POFUT2: variants seen among roughly 807,000 people sequenced by gnomAD.
POFUT2 encodes protein O-fucosyltransferase 2.
Under a neutral mutation model 55.0 loss-of-function variants are expected in POFUT2, and 30 were observed. That is an observed-to-expected ratio of 0.55 (90% CI 0.41 to 0.74). POFUT2 has a LOEUF of 0.74. Ranked by LOEUF, POFUT2 falls within the 30% of genes least tolerant of loss-of-function variation. The pLI, the probability that POFUT2 is intolerant of heterozygous loss-of-function variation, is 0.00. For synonymous variants in POFUT2, 267 were observed against 231.1 expected, an observed-to-expected ratio of 1.16 and a Z score of -1.41; for missense variants, 524 against 562.6, an observed-to-expected ratio of 0.93 and a Z score of 0.69.
At position 45,269,903 on chromosome 21, in the gene POFUT2, G is replaced by T; in HGVS notation, c.948C>A (p.Ile316=). 1 of 1,611,042 alleles carries T rather than the reference G, an allele frequency of 6.2e-7. No individual in the cohort carries two copies. The highest frequency in any genetic ancestry group is 8.5e-7 in the Non-Finnish European group (1 of 1,179,098). Residue 316 remains isoleucine (I), a synonymous_variant, in exon 7 of 9, where the codon ATC becomes ATA. Coordinates refer to ENST00000349485, the MANE Select transcript of POFUT2 (RefSeq NM_133635.6). ...GCCGGTGGGTCTTCATGAGGCTGCG[G>T]ATCTTCCTCACGGCCCCTTCCAGAC... The part of the protein sequence containing the change: ...VPSLEGAVRK[I]RSLMKTHRLD...
At chr21:45,286,279 A>G (rs1332066496) in intron 1 of POFUT2, among the ~76,000 whole-genome samples, 1 of 152,226 alleles carries the variant, frequency 6.6e-6, no homozygotes, top group East Asian at 1.9e-4. Flanking sequence ...TATGTGCACT[A>G]TGTCTATTGA....
chr21:45,268,509 C>G lies in POFUT2; in HGVS notation c.1013-796G>C, dbSNP rs563249477. On this transcript the variant is annotated intron_variant, in intron 7 of 8. Transcript: ENST00000349485. ...GTCTGGAAAGTGAGGAGCATCTCCG[C>G]CCGGCCGCCATCCCATCTAGGAAGT... is the stretch of plus-strand genomic sequence containing the variant. Among the ~76,000 whole-genome samples, 8 of 152,012 alleles carry G rather than the reference C, an allele frequency of 5.3e-5. No homozygotes were observed. The South Asian group carries it at 1.5e-3, about 28-fold the overall frequency.
chr21:45,283,676 G>C (rs868803735), intron 2 of POFUT2, 149 bp from the exon 3 acceptor site: 5 of 808,688 alleles, frequency 6.2e-6, no homozygotes, highest in Middle Eastern at 5.4e-4. Flanking sequence ...CAGAGACAGG[G>C]CAGAGCACAT....
chr21:45,285,653 C>T lies in POFUT2; in HGVS notation c.382+25G>A. 6.2e-7 allele frequency: 1 copy of T among 1,613,160 alleles called. No individual in the cohort carries two copies. Among genetic ancestry groups the T allele is most frequent in the Non-Finnish European group, 8.5e-7 (1 of 1,179,978 alleles). Reference sequence around the variant, plus strand: ...CTGGCCCCAGTTAAGCAACCACGGCCTCCCAGCGTGCCGCTCGGCCTCACC... The same window carrying T: ...CTGGCCCCAGTTAAGCAACCACGGCTTCCCAGCGTGCCGCTCGGCCTCACC... On this transcript the variant is annotated intron_variant, in intron 2 of 8. Coordinates refer to ENST00000349485, the MANE Select transcript of POFUT2 (RefSeq NM_133635.6). The surrounding 1 kb of genome is among the most constrained non-coding windows in gnomAD (Gnocchi z 4.9).
At chr21:45,280,261 T>C (rs965732235) in intron 4 of POFUT2, among the ~76,000 whole-genome samples, 2 of 152,246 alleles carry the variant, frequency 1.3e-5, no homozygotes, top group African/African-American at 4.8e-5. Flanking sequence ...TTGACCTTCA[T>C]GCACATGGAA....
chr21:45,267,112 C>T lies in POFUT2; in HGVS notation c.1136+478G>A, dbSNP rs960501216. 4.2e-5 allele frequency: 50 copies of T among 1,183,448 alleles called. No homozygotes were observed. The highest frequency in any genetic ancestry group is 6.5e-5 in the African/African-American group (4 of 61,236). 73.3% of individuals were successfully genotyped at this position (1,183,448 alleles called of 1,614,324 possible). ...CGGCAGCCCCACAAGAACGATCACA[C>T]GAGGGCCCATGCTCCCAGCCTTGGG... On this transcript the variant is annotated intron_variant, in intron 8 of 8. Coordinates refer to ENST00000349485, the MANE Select transcript of POFUT2 (RefSeq NM_133635.6). This position sits in a 1 kb window ranked among gnomAD's most constrained non-coding sequence, Gnocchi z 4.4.
rs1231709154 is a variant in POFUT2 at position 45,269,993 on chromosome 21, G to A, written c.858C>T (p.Gly286=). 6.4e-7 allele frequency: 1 copy of A among 1,560,596 alleles called. No individual in the cohort carries two copies. The highest frequency in any genetic ancestry group is 2.3e-5 in the East Asian group (1 of 42,734). The change falls in exon 7 of 9, where the codon GGC becomes GGT. Residue 286 remains glycine, a synonymous_variant. Transcript: ENST00000349485. ...TTCTCAGGTGGACTCCCAGGTAGGG[G>A]CCCCCTAGCGCGGAGCCCAGCTTGA... is the stretch of plus-strand genomic sequence containing the variant. ...MKVKLGSALG[G]PYLGVHLRRK... is the part of the protein sequence containing the mutation.
chr21:45,285,628 C>A lies in POFUT2; in HGVS notation c.382+50G>T. 6.2e-7 allele frequency: 1 copy of A among 1,611,076 alleles called. No homozygotes were observed. ...TGATGTCTACCTTAGAAATGACTGC[C>A]TGGCCCCAGTTAAGCAACCACGGCC... is the stretch of plus-strand genomic sequence containing the variant. On this transcript the variant is annotated intron_variant, in intron 2 of 8. Transcript: ENST00000349485. This position sits in a 1 kb window ranked among gnomAD's most constrained non-coding sequence, Gnocchi z 4.9.
intron 1 of POFUT2, among the ~76,000 whole-genome samples, chr21:45,287,338 C>T (rs2031564904): frequency 1.5e-5 from 1 of 65,918 alleles, no homozygotes; most frequent in African/African-American, 6.7e-5. Flanking sequence ...GCCCCTGCCC[C>T]GCCCCCATCC....
At chr21:45,272,456 G>A (rs2093227266) in intron 6 of POFUT2, among the ~76,000 whole-genome samples, 1 of 152,136 alleles carries the variant, frequency 6.6e-6, no homozygotes, top group Non-Finnish European at 1.5e-5. Flanking sequence ...TACAACATAA[G>A]TGGGGACTTC....
At chr21:45,283,744 G>A (rs890694732) in intron 2 of POFUT2, among the ~76,000 whole-genome samples, 2 of 152,170 alleles carry the variant, frequency 1.3e-5, no homozygotes, top group Admixed American at 6.5e-5. Flanking sequence ...GTGGTGTGGA[G>A]CTGGTACCCG....
intron 6 of POFUT2, among the ~76,000 whole-genome samples, chr21:45,271,904 A>G (rs913315942): frequency 6.6e-6 from 1 of 152,268 alleles, no homozygotes; most frequent in Admixed American, 6.5e-5. Context: ...GAAGTTCTAA[A>G]TCTTGAAACA....
intron 8 of POFUT2, chr21:45,266,260 C>T (rs781081001): frequency 2.3e-5 from 32 of 1,367,446 alleles, no homozygotes; most frequent in Non-Finnish European, 2.8e-5. Flanking sequence ...GAGATGTTTC[C>T]AGAGCAAATG....
intron 6 of POFUT2, among the ~76,000 whole-genome samples, chr21:45,271,375 C>T (rs2093218639): frequency 6.6e-6 from 1 of 152,124 alleles, no homozygotes; most frequent in Non-Finnish European, 1.5e-5. Context: ...AAAAAATGAA[C>T]AAAGCCTCCA....
Position 45,284,807 on chromosome 21 carries a change from G to A in POFUT2, c.382+871C>T, listed in dbSNP as rs180713610. On this transcript the variant is annotated intron_variant, in intron 2 of 8. Coordinates refer to ENST00000349485, the MANE Select transcript of POFUT2 (RefSeq NM_133635.6). The surrounding 1 kb of genome is among the most constrained non-coding windows in gnomAD (Gnocchi z 5.8). ...TTTTAAAGTCAACTCAGGAAAGGACGCACTCCAGGAATGCTTTTTACAAGC... is the reference window on the plus strand; with the variant it reads ...TTTTAAAGTCAACTCAGGAAAGGACACACTCCAGGAATGCTTTTTACAAGC... Among the ~76,000 whole-genome samples the A allele has an allele frequency of 6.2e-4, 95 of 152,284 alleles. No homozygotes were observed. Among genetic ancestry groups the A allele is most frequent in the African/African-American group, 1.8e-3 (74 of 41,558 alleles).
intron 6 of POFUT2, among the ~76,000 whole-genome samples, chr21:45,273,353 C>T (rs2093235437): frequency 6.6e-6 from 1 of 152,094 alleles, no homozygotes; most frequent in Admixed American, 6.5e-5. Context: ...AAACTCTGAA[C>T]AGACCAATAA....
intron 6 of POFUT2, among the ~76,000 whole-genome samples, chr21:45,276,652 A>G (rs1205658261): frequency 1.3e-5 from 2 of 152,132 alleles, no homozygotes; most frequent in Non-Finnish European, 2.9e-5. Context: ...TCTCTTTATC[A>G]ATCAAGTCAA....
intron 6 of POFUT2, among the ~76,000 whole-genome samples, chr21:45,271,331 G>T (rs936571435): frequency 6.6e-6 from 1 of 152,048 alleles, no homozygotes; most frequent in Non-Finnish European, 1.5e-5. Flanking sequence ...TTTCAAATTA[G>T]CCCAATCCAA....
intron 1 of POFUT2, among the ~76,000 whole-genome samples, chr21:45,287,176 C>T (rs1327356180): frequency 7.1e-6 from 1 of 141,812 alleles, no homozygotes; most frequent in Non-Finnish European, 1.5e-5. Context: ...ATCCCATCCC[C>T]CAGACTCCAG....
Sources: allele counts gnomAD v4.1 joint callset (sites outside exome capture counted in the v4.1 genomes callset), GRCh38; gene constraint gnomAD v4.1.1; non-coding constraint Gnocchi (gnomAD v3.1); transcripts MANE v1.5; gene names NCBI Gene and HGNC (gene_info 2026-07-23, HGNC 2026-07-21).